Variants in TPRG1 observed in about 807,000 individuals in gnomAD.
TPRG1 encodes tumor protein p63 regulated 1.
Under a neutral mutation model 29.3 loss-of-function variants are expected in TPRG1, and 29 were observed. The ratio of observed to expected loss-of-function variants is 0.99; its 90% CI spans 0.74 to 1.35. The LOEUF is 1.35. Among genes scored for constraint, TPRG1 ranks in the 40% most tolerant of loss-of-function variants. The pLI is 0.00. For synonymous variants in TPRG1, 130 were observed against 116.8 expected (o/e 1.11, Z -0.73); for missense variants, 327 against 335.0 (o/e 0.98, Z 0.19).
chr3:189,308,223 C>T (rs1721917592), intron 4 of TPRG1, among the ~76,000 whole-genome samples: 1 of 152,096 alleles, frequency 6.6e-6, no homozygotes, highest in South Asian at 2.1e-4. Flanking sequence ...AATAAGCTTG[C>T]CCATAGTCAC....
intron 3 of TPRG1, among the ~76,000 whole-genome samples, chr3:189,235,037 A>T (rs1478500599): frequency 2.6e-5 from 4 of 152,138 alleles, no homozygotes; most frequent in Non-Finnish European, 1.5e-5. Flanking sequence ...GAATACAAGG[A>T]TCTGAAAGAA....
At chr3:189,079,397 T>G (rs1356701088) in intron 4 of TPRG1, among the ~76,000 whole-genome samples, 2 of 152,208 alleles carry the variant, frequency 1.3e-5, no homozygotes, top group African/African-American at 4.8e-5. Flanking sequence ...CTTACTTGAT[T>G]GTTATCACCC....
chr3:189,143,590 G>A (rs1268490465), intron 3 of TPRG1, among the ~76,000 whole-genome samples: 13 of 152,162 alleles, frequency 8.5e-5, no homozygotes, highest in Non-Finnish European at 2.9e-5. Flanking sequence ...TCTTGAGTCA[G>A]AATCTTTTCC....
At chr3:189,226,865 G>T (rs1737824512) in intron 3 of TPRG1, among the ~76,000 whole-genome samples, 1 of 151,178 alleles carries the variant, frequency 6.6e-6, no homozygotes, top group Non-Finnish European at 1.5e-5. Flanking sequence ...TGAAACAGGG[G>T]ATATCACAGC....
chr3:189,299,647 G>A (rs1462615171), intron 4 of TPRG1, among the ~76,000 whole-genome samples: 6 of 144,516 alleles, frequency 4.2e-5, no homozygotes, highest in Admixed American at 4.1e-4. Flanking sequence ...TTTTTTTACA[G>A]TAAAGATCAT....
At chr3:189,144,615 C>G (rs1223331057) in intron 3 of TPRG1, among the ~76,000 whole-genome samples, 2 of 152,190 alleles carry the variant, frequency 1.3e-5, no homozygotes, top group African/African-American at 2.4e-5. Flanking sequence ...CAGGACTAAA[C>G]AGTGAAGCCA....
intron 4 of TPRG1, among the ~76,000 whole-genome samples, chr3:189,272,713 CTCCT>C (rs59828840): frequency 0.022 from 2,976 of 132,460 alleles, 69 homozygotes; most frequent in African/African-American, 0.051. Flanking sequence ...TTCTTTCTTT[CTCCT>C]TCCTTCCTTC....
intron 3 of TPRG1, among the ~76,000 whole-genome samples, chr3:189,014,536 G>C (rs1376355673): frequency 1.3e-5 from 2 of 152,124 alleles, no homozygotes; most frequent in Non-Finnish European, 2.9e-5. Context: ...GTTTGGCTCT[G>C]TGTTCCCACC....
chr3:189,289,822 T>C (rs2109194069), intron 4 of TPRG1, among the ~76,000 whole-genome samples: 1 of 152,298 alleles, frequency 6.6e-6, no homozygotes, highest in Non-Finnish European at 1.5e-5. Flanking sequence ...CCCACGATGC[T>C]CTATTATCTA....
At chr3:189,216,989 G>A (rs78246678) in intron 3 of TPRG1, among the ~76,000 whole-genome samples, 1 of 152,182 alleles carries the variant, frequency 6.6e-6, no homozygotes, top group Non-Finnish European at 1.5e-5. Context: ...TCTAAATCTA[G>A]TCAAGGCTGT....
chr3:189,200,901 T>C (rs954836018), intron 1 of TPRG1, among the ~76,000 whole-genome samples: 3 of 152,150 alleles, frequency 2.0e-5, no homozygotes, highest in African/African-American at 7.2e-5. Context: ...GTGAGGCCTG[T>C]AGGAGGTGAT....
intron 4 of TPRG1, among the ~76,000 whole-genome samples, chr3:189,081,809 T>C (rs1321491894): frequency 6.6e-6 from 1 of 152,340 alleles, no homozygotes; most frequent in East Asian, 1.9e-4. Flanking sequence ...AGTACCTCTA[T>C]GGTGTTGCAT....
intron 5 of TPRG1, chr3:189,315,769 A>G (rs1338112761): frequency 9.5e-6 from 2 of 210,830 alleles, no homozygotes; most frequent in Non-Finnish European, 2.0e-5. Flanking sequence ...TTACATGATG[A>G]GCAATATTCT....
chr3:189,265,916 A>G (rs758024685), intron 4 of TPRG1, among the ~76,000 whole-genome samples: 25 of 152,288 alleles, frequency 1.6e-4, no homozygotes, highest in Non-Finnish European at 1.3e-4. Flanking sequence ...GCAGTTCATC[A>G]TTAGATGGGA....
chr3:189,274,083 T>A (rs1715685709), intron 4 of TPRG1, among the ~76,000 whole-genome samples: 1 of 151,608 alleles, frequency 6.6e-6, no homozygotes, highest in Non-Finnish European at 1.5e-5. Context: ...CTCAAATTCT[T>A]TATCTTTTAA....
chr3:189,223,648 G>T (rs1737260680), intron 3 of TPRG1, among the ~76,000 whole-genome samples: 1 of 152,140 alleles, frequency 6.6e-6, no homozygotes, highest in Admixed American at 6.5e-5. Flanking sequence ...GAGGTGAAAG[G>T]AGTCTAATGC....
At chr3:189,318,573 A>G (rs1723912932) in intron 5 of TPRG1, among the ~76,000 whole-genome samples, 2 of 152,190 alleles carry the variant, frequency 1.3e-5, no homozygotes, top group Non-Finnish European at 2.9e-5. Flanking sequence ...ACTCAAATAT[A>G]TAAAACTGAT....
intron 4 of TPRG1, among the ~76,000 whole-genome samples, chr3:189,085,580 T>C (rs574188061): frequency 6.6e-6 from 1 of 152,232 alleles, no homozygotes; most frequent in Non-Finnish European, 1.5e-5. Flanking sequence ...AGAGTCCTAA[T>C]TAATATATGT....
intron 4 of TPRG1, among the ~76,000 whole-genome samples, chr3:189,259,232 C>T (rs1354465000): frequency 6.6e-6 from 1 of 152,036 alleles, no homozygotes; most frequent in African/African-American, 2.4e-5. Context: ...TCCTTCATGG[C>T]TTCCCTTGGC....
Sources: allele counts gnomAD v4.1 joint callset (sites outside exome capture counted in the v4.1 genomes callset), GRCh38; gene constraint gnomAD v4.1.1; transcripts MANE v1.5; gene names NCBI Gene and HGNC (gene_info 2026-07-23, HGNC 2026-07-21).